The following CCSER1 variants were observed in gnomAD, a reference collection of about 807,000 sequenced individuals.
CCSER1 encodes serine-rich coiled-coil domain-containing protein 1.
Under a neutral mutation model 82.0 loss-of-function variants are expected in CCSER1, and 41 were observed. The ratio of observed to expected loss-of-function variants is 0.50; its 90% CI spans 0.39 to 0.65. CCSER1 has a LOEUF of 0.65. Ranked by LOEUF, CCSER1 falls within the 30% of genes least tolerant of loss-of-function variation. The pLI is 0.00. For synonymous variants in CCSER1, 414 were observed against 383.9 expected, an observed-to-expected ratio of 1.08 and a Z score of -0.92; for missense variants, 1,119 against 1,064.2, an observed-to-expected ratio of 1.05 and a Z score of -0.72.
At chr4:91,276,190 T>TG (rs1332529455) in intron 10 of CCSER1, among the ~76,000 whole-genome samples, 1 of 151,976 alleles carries the variant, frequency 6.6e-6, no homozygotes. Context: ...TCTATTTCTG[T>TG]GAAAAATGAC....
At chr4:90,448,910 C>T (rs1002498945) in intron 4 of CCSER1, among the ~76,000 whole-genome samples, 2 of 152,092 alleles carry the variant, frequency 1.3e-5, no homozygotes, top group African/African-American at 4.8e-5. Context: ...GAGTTCTTGT[C>T]CTGCATCCAG....
At chr4:91,525,670 C>A (rs1335735285) in intron 10 of CCSER1, among the ~76,000 whole-genome samples, 1 of 152,078 alleles carries the variant, frequency 6.6e-6, no homozygotes, top group Non-Finnish European at 1.5e-5. Flanking sequence ...TAGTGTCAGA[C>A]CTTCACATCA....
At chr4:90,654,186 T>C (rs1031933213) in intron 6 of CCSER1, among the ~76,000 whole-genome samples, 1 of 152,178 alleles carries the variant, frequency 6.6e-6, no homozygotes, top group Non-Finnish European at 1.5e-5. Context: ...GTTTTGTTTC[T>C]GTTATAGTAT....
At chr4:91,194,660 G>A (rs1735260421) in intron 10 of CCSER1, among the ~76,000 whole-genome samples, 1 of 151,586 alleles carries the variant, frequency 6.6e-6, no homozygotes, top group South Asian at 2.1e-4. Flanking sequence ...TATACCAAAT[G>A]CACATGGTAG....
intron 4 of CCSER1, among the ~76,000 whole-genome samples, chr4:90,442,763 A>C (rs1017332122): frequency 1.3e-5 from 2 of 152,220 alleles, no homozygotes; most frequent in Non-Finnish European, 2.9e-5. Context: ...AATATTTAAC[A>C]TATCTTTCCA....
chr4:90,828,715 C>G (rs1040019712), intron 8 of CCSER1, among the ~76,000 whole-genome samples: 2 of 152,076 alleles, frequency 1.3e-5, no homozygotes, highest in African/African-American at 4.8e-5. Flanking sequence ...GTTTTTCCCT[C>G]TCATTGGTGG....
At chr4:91,478,483 G>A (rs563614655) in intron 10 of CCSER1, among the ~76,000 whole-genome samples, 25 of 151,794 alleles carry the variant, frequency 1.6e-4, no homozygotes, top group Admixed American at 4.6e-4. Context: ...TCTCAATAAG[G>A]ATCAGTCACT....
At chr4:90,270,799 A>G (rs918574648) in intron 1 of CCSER1, among the ~76,000 whole-genome samples, 2 of 152,168 alleles carry the variant, frequency 1.3e-5, no homozygotes, top group Non-Finnish European at 2.9e-5. Flanking sequence ...AAGTTGTAGG[A>G]TACAAAATCA....
chr4:91,300,475 G>A (rs1052667525), intron 10 of CCSER1, among the ~76,000 whole-genome samples: 1 of 151,744 alleles, frequency 6.6e-6, no homozygotes, highest in African/African-American at 2.4e-5. Context: ...GCTTTCAGAG[G>A]CTGAGACATA....
intron 10 of CCSER1, among the ~76,000 whole-genome samples, chr4:91,246,827 T>TACACACACACACACACAC (rs34278711): frequency 1.4e-5 from 2 of 144,084 alleles, no homozygotes; most frequent in Admixed American, 6.9e-5. Context: ...CATACACACA[T>TACACACACACACACACAC]ACACACACAC....
intron 10 of CCSER1, among the ~76,000 whole-genome samples, chr4:91,242,525 TGCA>T (rs1271062196): frequency 6.6e-6 from 1 of 152,194 alleles, no homozygotes; most frequent in Non-Finnish European, 1.5e-5. Flanking sequence ...AAATGTAAAA[TGCA>T]GAACTTTAAA....
chr4:90,965,365 C>A (rs1192712905), intron 9 of CCSER1, among the ~76,000 whole-genome samples: 2 of 151,946 alleles, frequency 1.3e-5, no homozygotes, highest in African/African-American at 4.8e-5. Flanking sequence ...GTGTGTATGC[C>A]CAAGAAAGAC....
At chr4:91,273,034 C>T (rs981006398) in intron 10 of CCSER1, among the ~76,000 whole-genome samples, 7 of 151,968 alleles carry the variant, frequency 4.6e-5, no homozygotes, top group Non-Finnish European at 8.8e-5. Context: ...AATGTGATGC[C>T]TCCAGATATG....
intron 10 of CCSER1, among the ~76,000 whole-genome samples, chr4:91,573,626 G>A (rs1206345691): frequency 6.6e-6 from 1 of 152,172 alleles, no homozygotes; most frequent in African/African-American, 2.4e-5. Flanking sequence ...CCAGAGTTGG[G>A]GAGGTTTCCC....
intron 8 of CCSER1, among the ~76,000 whole-genome samples, chr4:90,884,647 G>A (rs1002124962): frequency 1.3e-5 from 2 of 152,034 alleles, no homozygotes; most frequent in Non-Finnish European, 2.9e-5. Flanking sequence ...TGCTTAGTGA[G>A]TCCATATCTA....
intron 1 of CCSER1, among the ~76,000 whole-genome samples, chr4:90,159,807 G>A (rs959854919): frequency 6.6e-6 from 1 of 152,102 alleles, no homozygotes; most frequent in Non-Finnish European, 1.5e-5. Context: ...GACATATTTT[G>A]CCATAATAGT....
At chr4:91,019,833 C>T (rs1739765001) in intron 9 of CCSER1, among the ~76,000 whole-genome samples, 1 of 152,060 alleles carries the variant, frequency 6.6e-6, no homozygotes, top group African/African-American at 2.4e-5. Flanking sequence ...AATGGTTTTG[C>T]CCATAAGTAA....
At chr4:91,491,167 A>AT (rs1410843505) in intron 10 of CCSER1, among the ~76,000 whole-genome samples, 2 of 151,434 alleles carry the variant, frequency 1.3e-5, no homozygotes, top group Middle Eastern at 3.2e-3. Context: ...TGGAGACATG[A>AT]TTTTATCTCC....
Position 91,331,143 on chromosome 4 carries a change from G to A in CCSER1, c.2217+245149G>A, listed in dbSNP as rs192426146. ...CATGATTCATAGAATGTTGGAAATGGAAAGTATCTTAGAAGGTATCCAGTC... is the reference window on the plus strand; with the variant it reads ...CATGATTCATAGAATGTTGGAAATGAAAAGTATCTTAGAAGGTATCCAGTC... On this transcript the variant is annotated intron_variant, in intron 10 of 10. Coordinates refer to ENST00000509176, the MANE Select transcript of CCSER1 (RefSeq NM_001145065.2). 1.7e-3 allele frequency among the ~76,000 whole-genome samples: 255 copies of A among 152,172 alleles called. 3 individuals are homozygous for A. Among genetic ancestry groups the A allele is most frequent in the East Asian group, 1.4e-3 (7 of 5,174 alleles).
Sources: allele counts gnomAD v4.1 joint callset (sites outside exome capture counted in the v4.1 genomes callset), GRCh38; gene constraint gnomAD v4.1.1; transcripts MANE v1.5; gene names NCBI Gene and HGNC (gene_info 2026-07-23, HGNC 2026-07-21).